The following FAM185A variants were observed in gnomAD, a reference collection of about 807,000 sequenced individuals.
FAM185A encodes family with sequence similarity 185 member A, also known as protein FAM185A.
Under a neutral mutation model 45.7 loss-of-function variants are expected in FAM185A, and 21 were observed. That is an observed-to-expected ratio of 0.46 (90% CI 0.33 to 0.66). The LOEUF is 0.66. Among genes scored for constraint, FAM185A ranks in the 30% least tolerant of loss-of-function variants. The pLI is 0.03. For synonymous variants in FAM185A, 117 were observed against 194.0 expected, an observed-to-expected ratio of 0.60 and a Z score of 3.30; for missense variants, 305 against 485.4, an observed-to-expected ratio of 0.63 and a Z score of 3.49.
chr7:102,772,864 C>T (rs1298667439), intron 5 of FAM185A, among the ~76,000 whole-genome samples: 1 of 151,358 alleles, frequency 6.6e-6, no homozygotes, highest in Non-Finnish European at 1.5e-5. Context: ...TGAGTACCTG[C>T]CATGTATTAA....
chr7:102,760,570 C>G (rs892696115), intron 3 of FAM185A, among the ~76,000 whole-genome samples: 8 of 151,824 alleles, frequency 5.3e-5, no homozygotes, highest in African/African-American at 1.9e-4. Flanking sequence ...AGGGAATGTC[C>G]TTAATCTGAT....
intron 4 of FAM185A, among the ~76,000 whole-genome samples, chr7:102,762,296 T>C (rs1177567491): frequency 4.6e-5 from 7 of 152,156 alleles, no homozygotes; most frequent in Non-Finnish European, 1.0e-4. Context: ...TGAAAGAAAA[T>C]AAGAGTATAA....
At chr7:102,779,120 A>C (rs1249293176) in intron 6 of FAM185A, among the ~76,000 whole-genome samples, 2 of 152,216 alleles carry the variant, frequency 1.3e-5, no homozygotes, top group Non-Finnish European at 2.9e-5. Context: ...ATTTTAACAT[A>C]ATATGCCTTC....
intron 6 of FAM185A, among the ~76,000 whole-genome samples, chr7:102,781,370 G>A (rs755138428): frequency 6.6e-6 from 1 of 152,188 alleles, no homozygotes; most frequent in African/African-American, 2.4e-5. Flanking sequence ...GCCTCAAGTG[G>A]GTCCCTGACC....
At chr7:102,776,293 T>C (rs1245406962) in intron 5 of FAM185A, among the ~76,000 whole-genome samples, 1 of 151,544 alleles carries the variant, frequency 6.6e-6, no homozygotes, top group Admixed American at 6.6e-5. Flanking sequence ...GAATATTAAA[T>C]TAAAGATTCA....
downstream of FAM185A, among the ~76,000 whole-genome samples, chr7:102,810,604 C>CT (rs1299103545): frequency 1.3e-5 from 2 of 148,944 alleles, no homozygotes; most frequent in African/African-American, 5.0e-5. Context: ...TGATCTTTTT[C>CT]TTTTTTTCAG....
the FAM185A span, among the ~76,000 whole-genome samples, chr7:102,848,729 C>T: frequency 0.011 from 1,626 of 152,160 alleles, 37 homozygotes; most frequent in African/African-American, 0.038. Flanking sequence ...CACGGCGCCT[C>T]ACACCCATAA....
At chr7:102,822,368 T>A in the FAM185A span, 1 of 742,556 alleles carries the variant, frequency 1.3e-6, no homozygotes. Context: ...AAGACTGAGA[T>A]AAAGATAGAG....
the FAM185A span, among the ~76,000 whole-genome samples, chr7:102,828,147 G>A: frequency 2.1e-4 from 32 of 152,168 alleles, no homozygotes; most frequent in African/African-American, 7.7e-4. Flanking sequence ...GATGGGGATG[G>A]CATTGAATCT....
At chr7:102,795,300 T>A (rs1796382508) in intron 7 of FAM185A, among the ~76,000 whole-genome samples, 1 of 152,182 alleles carries the variant, frequency 6.6e-6, no homozygotes, top group South Asian at 2.1e-4. Flanking sequence ...AGAACCTCTC[T>A]CTACTGTTTT....
chr7:102,834,912 GTGTGTA>G, the FAM185A span, among the ~76,000 whole-genome samples: 1 of 145,644 alleles, frequency 6.9e-6, no homozygotes, highest in African/African-American at 2.6e-5. Context: ...GTGTGTGTGT[GTGTGTA>G]TCAAAACAGC....
chr7:102,778,609 G>A (rs3748110), intron 6 of FAM185A, among the ~76,000 whole-genome samples: 7,022 of 151,916 alleles, frequency 0.046, 33 homozygotes, highest in East Asian at 0.12. Flanking sequence ...AGTATTATTT[G>A]GAATATTGCT....
Position 102,808,552 on chromosome 7 carries a change from G to A in FAM185A, c.*150G>A, listed in dbSNP as rs1797264568. 1 of 610,552 alleles carries A rather than the reference G, an allele frequency of 1.6e-6. No homozygotes were observed. The highest frequency in any genetic ancestry group is 2.9e-5 in the Admixed American group (1 of 34,260). The allele number at this position is 610,552 out of a possible 1,614,324, so 37.8% of individuals were successfully genotyped here. A position where few individuals can be genotyped will look rare whatever the true frequency, so the allele number is the denominator to read the frequency against. On this transcript the variant is annotated 3_prime_UTR_variant, in exon 8 of 8. Coordinates refer to ENST00000413034, the MANE Select transcript of FAM185A (RefSeq NM_001145268.2). Reference sequence around the variant, plus strand: ...GTTTTGGGAGGCTTTTTCAAAATTTGTGCTTTGCTATTGTATTCATTTTCT... The same window carrying A: ...GTTTTGGGAGGCTTTTTCAAAATTTATGCTTTGCTATTGTATTCATTTTCT...
chr7:102,847,896 A>G, the FAM185A span, among the ~76,000 whole-genome samples: 4 of 152,194 alleles, frequency 2.6e-5, no homozygotes, highest in South Asian at 2.1e-4. Context: ...CTAGAAATGT[A>G]TAATCACATA....
downstream of FAM185A, chr7:102,813,564 C>T (rs1283385553): frequency 6.3e-7 from 1 of 1,595,964 alleles, no homozygotes; most frequent in African/African-American, 1.3e-5. Context: ...TAGCTAGTTG[C>T]AGAAGTAACC....
chr7:102,805,759 A>G (rs1254962016), intron 7 of FAM185A, among the ~76,000 whole-genome samples: 2 of 152,092 alleles, frequency 1.3e-5, no homozygotes, highest in African/African-American at 4.8e-5. Flanking sequence ...AAATTGATAC[A>G]TGGGGGCTGC....
chr7:102,763,343 T>TG (rs77119748), intron 4 of FAM185A, among the ~76,000 whole-genome samples: 102,722 of 151,540 alleles, frequency 0.68, 36,222 homozygotes, highest in Middle Eastern at 0.84. Flanking sequence ...TTTCCTTAGC[T>TG]GGTTTAAATC....
At chr7:102,848,257 T>TA in the FAM185A span, among the ~76,000 whole-genome samples, 4 of 152,052 alleles carry the variant, frequency 2.6e-5, no homozygotes, top group South Asian at 4.1e-4. Flanking sequence ...ATAATCTGCA[T>TA]AAAAAATACA....
the FAM185A span, among the ~76,000 whole-genome samples, chr7:102,831,951 CATAGT>C: frequency 6.6e-6 from 1 of 151,974 alleles, no homozygotes; most frequent in Non-Finnish European, 1.5e-5. Flanking sequence ...GAGATATGTC[CATAGT>C]ATATTAAAAA....
Sources: gnomAD v4.1 joint callset for allele counts (sites outside exome capture counted in the v4.1 genomes callset) on GRCh38, gnomAD v4.1.1 for gene constraint, MANE v1.5 for transcripts, NCBI Gene and HGNC (gene_info 2026-07-23, HGNC 2026-07-21) for gene names.